GLP2R: variants seen among roughly 807,000 people sequenced by gnomAD.
GLP2R encodes the protein glucagon-like peptide 2 receptor.
GLP2R carries 59 observed loss-of-function variants against 68.2 expected under a neutral mutation model. The observed-to-expected ratio is 0.87, with a 90% CI of 0.70 to 1.07. The LOEUF is 1.07. Among genes scored for constraint, GLP2R ranks in the 50% least tolerant of loss-of-function variants. GLP2R has a pLI of 0.00. For synonymous variants in GLP2R, 270 were observed against 265.4 expected (o/e 1.02, Z -0.17); for missense variants, 548 against 677.4 (o/e 0.81, Z 2.12).
chr17:9,868,023 C>A (rs1392204484), intron 9 of GLP2R, among the ~76,000 whole-genome samples: 1 of 152,150 alleles, frequency 6.6e-6, no homozygotes, highest in Non-Finnish European at 1.5e-5. Context: ...GTTTTCCCAC[C>A]CCATCAAAAC....
At chr17:9,837,663 C>A (rs886388563) in intron 3 of GLP2R, among the ~76,000 whole-genome samples, 5 of 152,176 alleles carry the variant, frequency 3.3e-5, no homozygotes, top group Non-Finnish European at 5.9e-5. Context: ...TACTTAGATA[C>A]CCAGGATAAT....
At chr17:9,832,216 T>C (rs1180166493) in intron 1 of GLP2R, among the ~76,000 whole-genome samples, 2 of 152,020 alleles carry the variant, frequency 1.3e-5, no homozygotes, top group African/African-American at 2.4e-5. Flanking sequence ...GGCAGGAGGA[T>C]CATTTGAGCC....
chr17:9,872,836 G>A (rs962987685), intron 10 of GLP2R, among the ~76,000 whole-genome samples: 5 of 152,186 alleles, frequency 3.3e-5, no homozygotes, highest in Admixed American at 3.3e-4. Flanking sequence ...CTGTAGATAT[G>A]GTTATAAATA....
intron 2 of GLP2R, among the ~76,000 whole-genome samples, chr17:9,835,373 GA>G (rs34524664): frequency 6.6e-6 from 1 of 152,094 alleles, no homozygotes; most frequent in Non-Finnish European, 1.5e-5. Flanking sequence ...GACCTAGTCT[GA>G]AATACTTCCA....
chr17:9,828,512 A>T (rs1036249549), intron 1 of GLP2R, among the ~76,000 whole-genome samples: 1 of 152,092 alleles, frequency 6.6e-6, no homozygotes. Context: ...GGATATTATC[A>T]TAAAATGCTT....
chr17:9,861,058 T>A (rs1240603246), intron 7 of GLP2R, 81 bp from the exon 8 acceptor site: 2 of 943,272 alleles, frequency 2.1e-6, no homozygotes, highest in Non-Finnish European at 3.5e-6. Flanking sequence ...CCACCTGTGG[T>A]TAGCCTCATC....
intron 9 of GLP2R, among the ~76,000 whole-genome samples, chr17:9,870,091 T>C (rs1488333002): frequency 2.0e-5 from 3 of 152,192 alleles, no homozygotes; most frequent in Admixed American, 2.0e-4. Flanking sequence ...GATGGAGTTC[T>C]TTACAGAAGA....
chr17:9,865,299 T>C (rs1288194351), intron 9 of GLP2R, among the ~76,000 whole-genome samples: 2 of 142,038 alleles, frequency 1.4e-5, no homozygotes, highest in African/African-American at 2.8e-5. Flanking sequence ...TGCTCTTCTT[T>C]AGCCCCTTGT....
At chr17:9,881,391 T>C (rs1435551421) in intron 11 of GLP2R, among the ~76,000 whole-genome samples, 1 of 129,914 alleles carries the variant, frequency 7.7e-6, no homozygotes, top group South Asian at 2.2e-4. Flanking sequence ...TTTTTTTTTT[T>C]TTTTTTTGAG....
At chr17:9,847,430 C>T (rs1031418061) in intron 4 of GLP2R, among the ~76,000 whole-genome samples, 14 of 152,122 alleles carry the variant, frequency 9.2e-5, no homozygotes, top group South Asian at 2.1e-4. Flanking sequence ...CTGCCACACC[C>T]GGCAATGTTT....
Position 9,889,727 on chromosome 17 carries a change from C to T in GLP2R, c.*22C>T. The T allele has an allele frequency of 1.4e-6, 2 of 1,440,016 alleles. No individual in the cohort carries two copies. The highest frequency in any genetic ancestry group is 1.9e-6 in the Non-Finnish European group (2 of 1,063,092). The allele number at this position is 1,440,016 out of a possible 1,614,324, so 89.2% of individuals were successfully genotyped here. A position where few individuals can be genotyped will look rare whatever the true frequency, so the allele number is the denominator to read the frequency against. On this transcript the variant is annotated 3_prime_UTR_variant, in exon 13 of 13. Transcript: ENST00000262441. ...CTAGGGTGGAGTTCCACCACCCTGG[C>T]TCTGCTCCCAGGGACTCTTGAGGGG...
intron 7 of GLP2R, 133 bp from the exon 8 acceptor site, chr17:9,861,006 C>G (rs2066982397): frequency 1.4e-6 from 1 of 693,948 alleles, no homozygotes; most frequent in Non-Finnish European, 2.7e-6. Flanking sequence ...CTCTCCAGCT[C>G]TCACAGTCCA....
At chr17:9,827,706 T>G (rs780527268) in intron 1 of GLP2R, among the ~76,000 whole-genome samples, 3 of 152,162 alleles carry the variant, frequency 2.0e-5, no homozygotes, top group Non-Finnish European at 1.5e-5. Context: ...CTCACGCCTG[T>G]AACCCCAACA....
chr17:9,827,188 TA>T (rs1567714821), intron 1 of GLP2R, among the ~76,000 whole-genome samples: 2 of 150,046 alleles, frequency 1.3e-5, no homozygotes, highest in Non-Finnish European at 3.0e-5. Context: ...TTTTTTTTTT[TA>T]AACAAACACA....
At position 9,869,249 on chromosome 17, in the gene GLP2R, A is replaced by G. The variant is rs1432963386; in HGVS notation, c.1057-1498A>G. Among the ~76,000 whole-genome samples the G allele has an allele frequency of 1.3e-5, 2 of 152,130 alleles. 1 individual carries two copies. The highest frequency in any genetic ancestry group is 2.9e-5 in the Non-Finnish European group (2 of 68,028). ...CTTACCCTCACCCAATCCATTCTCCACACTGCTGCTGAAATTATCTTTCTG... is the reference window on the plus strand; with the variant it reads ...CTTACCCTCACCCAATCCATTCTCCGCACTGCTGCTGAAATTATCTTTCTG... On this transcript the variant is annotated intron_variant, in intron 9 of 12. Coordinates refer to ENST00000262441, the MANE Select transcript of GLP2R (RefSeq NM_004246.3).
intron 4 of GLP2R, chr17:9,852,853 A>T: frequency 2.6e-6 from 1 of 381,344 alleles, no homozygotes; most frequent in Non-Finnish European, 5.0e-6. Context: ...AGGAAGTTTT[A>T]ATTTTTTCTG....
chr17:9,839,617 A>C (rs1430836918), intron 3 of GLP2R, among the ~76,000 whole-genome samples: 1 of 151,906 alleles, frequency 6.6e-6, no homozygotes, highest in African/African-American at 2.4e-5. Context: ...CCCTCCAGGC[A>C]CCTTTGGAAA....
At chr17:9,873,556 C>CTTTTGTTTTTTTTTTTTTTTTTTTTTTT (rs2067115479) in intron 10 of GLP2R, among the ~76,000 whole-genome samples, 1 of 52,076 alleles carries the variant, frequency 1.9e-5, no homozygotes, top group Non-Finnish European at 3.4e-5. Context: ...TATGCATGGA[C>CTTTTGTTTTTTTTTTTTTTTTTTTTTTT]TTTTTTTTTT....
intron 4 of GLP2R, chr17:9,853,304 T>C (rs1351908554): frequency 1.6e-5 from 4 of 252,186 alleles, no homozygotes; most frequent in Admixed American, 4.3e-5. Context: ...CATCGAGTCC[T>C]CCATGGGGTG....
Sources: allele counts gnomAD v4.1 joint callset (sites outside exome capture counted in the v4.1 genomes callset), GRCh38; gene constraint gnomAD v4.1.1; transcripts MANE v1.5; gene names NCBI Gene and HGNC (gene_info 2026-07-23, HGNC 2026-07-21).